The following C11orf65 variants were observed in gnomAD, a reference collection of about 807,000 sequenced individuals.
C11orf65 encodes protein MFI.
In C11orf65, 38 loss-of-function variants were observed where a neutral mutation model predicts 35.3. The ratio of observed to expected loss-of-function variants is 1.08; its 90% CI spans 0.83 to 1.41. The LOEUF (loss-of-function observed/expected upper bound fraction) is 1.41, where lower values mean the gene tolerates loss of function less well. Ranked by LOEUF, C11orf65 falls within the 40% of genes most tolerant of loss-of-function variation. The pLI is 0.00. For synonymous variants in C11orf65, 105 were observed against 114.4 expected, an observed-to-expected ratio of 0.92 and a Z score of 0.53; for missense variants, 370 against 367.1, an observed-to-expected ratio of 1.01 and a Z score of -0.06.
At position 108,383,034 on chromosome 11, in the gene C11orf65, G is replaced by C. The variant is rs751190112; in HGVS notation, c.929C>G (p.Thr310Ser). The C allele has an allele frequency of 2.5e-6, 4 of 1,610,886 alleles. No homozygotes were observed. The highest frequency in any genetic ancestry group is 1.7e-4 in the Middle Eastern group (1 of 6,048). ...AAATAAAGTACTTTATAGTCCATAA[G>C]TAGAATCAGGCGTTAATCTAGTTAC... Reference protein sequence around the residue: ...PNVTRLTPDSTYGL With the variant: ...PNVTRLTPDSSYGL The change falls in exon 9 of 9, where the codon ACT becomes AGT. Residue 310 changes from threonine (T) to serine (S), a missense_variant. Coordinates refer to ENST00000393084, the MANE Select transcript of C11orf65 (RefSeq NM_152587.5).
chr11:108,368,730 C>G (rs1222514012), intron 2 of C11orf65: 1 of 214,204 alleles, frequency 4.7e-6, no homozygotes, highest in Non-Finnish European at 9.4e-6. Context: ...GAGATAATAG[C>G]TTTCCCACCC....
chr11:108,410,086 T>C, intron 3 of C11orf65, among the ~76,000 whole-genome samples: 1 of 152,190 alleles, frequency 6.6e-6, no homozygotes, highest in East Asian at 1.9e-4. Flanking sequence ...AACCCTGCCA[T>C]AAGCCAAGGA....
At chr11:108,377,134 GC>G (rs2091750938) in intron 2 of C11orf65, among the ~76,000 whole-genome samples, 1 of 151,162 alleles carries the variant, frequency 6.6e-6, no homozygotes, top group Non-Finnish European at 1.5e-5. Flanking sequence ...ATTTTATGAG[GC>G]CAGCATCATC....
exon 7 of C11orf65, chr11:108,308,783 C>G: frequency 1.9e-6 from 1 of 517,038 alleles, no homozygotes; most frequent in South Asian, 2.5e-5. Context: ...TAGTCTTAAA[C>G]CATTCTTCTT....
At chr11:108,448,823 A>G (rs2093305312) in intron 2 of C11orf65, among the ~76,000 whole-genome samples, 4 of 152,322 alleles carry the variant, frequency 2.6e-5, no homozygotes, top group Admixed American at 1.3e-4. Context: ...GTATTCAATT[A>G]GGAAAAGAGG....
chr11:108,411,004 C>T (rs771005617), intron 3 of C11orf65, among the ~76,000 whole-genome samples: 6 of 152,090 alleles, frequency 3.9e-5, no homozygotes, highest in Non-Finnish European at 7.4e-5. Flanking sequence ...CCACCATGCC[C>T]GGCCCCCTTC....
upstream of C11orf65, among the ~76,000 whole-genome samples, chr11:108,469,574 T>C (rs2093564449): frequency 6.6e-6 from 1 of 151,866 alleles, no homozygotes; most frequent in Admixed American, 6.6e-5. Context: ...TTTAATGTAG[T>C]GCTTATCTGA....
At chr11:108,381,832 G>T (rs1177275558), downstream of C11orf65, among the ~76,000 whole-genome samples, 1 of 152,126 alleles carries the variant, frequency 6.6e-6, no homozygotes, top group African/African-American at 2.4e-5. Context: ...CTCTCCATAA[G>T]TATAGGCTGG....
chr11:108,359,321 ACT>A (rs1194257965), intron 2 of C11orf65, among the ~76,000 whole-genome samples: 1 of 151,964 alleles, frequency 6.6e-6, no homozygotes, highest in Non-Finnish European at 1.5e-5. Context: ...CTACAAAGAG[ACT>A]TAGAATCCCA....
chr11:108,444,360 C>A (rs187636399), intron 2 of C11orf65, among the ~76,000 whole-genome samples: 1 of 152,016 alleles, frequency 6.6e-6, no homozygotes, highest in South Asian at 2.1e-4. Flanking sequence ...CAGGACCAGA[C>A]GGATTCACAG....
chr11:108,445,988 G>C (rs1414473581), intron 2 of C11orf65, among the ~76,000 whole-genome samples: 1 of 152,214 alleles, frequency 6.6e-6, no homozygotes, highest in Non-Finnish European at 1.5e-5. Flanking sequence ...AGAAGCCTCA[G>C]GAGCCGACGC....
chr11:108,361,414 C>T (rs1437541410), intron 2 of C11orf65, among the ~76,000 whole-genome samples: 11 of 151,744 alleles, frequency 7.2e-5, no homozygotes, highest in Admixed American at 3.9e-4. Flanking sequence ...ATCAAGCTAC[C>T]AATGACTTTC....
intron 2 of C11orf65, among the ~76,000 whole-genome samples, chr11:108,339,968 C>T (rs2087328149): frequency 6.6e-6 from 1 of 152,050 alleles, no homozygotes; most frequent in Non-Finnish European, 1.5e-5. Context: ...ATTTATATAC[C>T]TACGTTGGGT....
At chr11:108,451,815 T>G (rs1465891959) in intron 2 of C11orf65, among the ~76,000 whole-genome samples, 1 of 151,972 alleles carries the variant, frequency 6.6e-6, no homozygotes, top group Non-Finnish European at 1.5e-5. Flanking sequence ...GAGATATAGA[T>G]CAATGGAACA....
chr11:108,355,064 C>CA (rs2089730753), intron 2 of C11orf65: 4 of 594,462 alleles, frequency 6.7e-6, no homozygotes, highest in Non-Finnish European at 1.2e-5. Flanking sequence ...GAAATGCCTT[C>CA]AGCCCCCTTG....
rs1060501695 is a variant in C11orf65, at chr11:108,335,098, C to G, written c.299+122G>C. 6.2e-7 allele frequency: 1 copy of G among 1,614,014 alleles called. No homozygotes were observed. The highest frequency in any genetic ancestry group is 8.5e-7 in the Non-Finnish European group (1 of 1,179,962). On this transcript the variant is annotated intron_variant, in intron 3 of 3. Transcript: ENST00000524755. The stretch of plus-strand genomic sequence containing the variant: ...AGGTTCCGATGGCAAGGAGAGGAGA[C>G]AGCTTGTTAAGGTGAGCCTTCCCTT...
intron 3 of C11orf65, among the ~76,000 whole-genome samples, chr11:108,431,214 T>A (rs948514645): frequency 6.6e-6 from 1 of 151,650 alleles, no homozygotes; most frequent in Admixed American, 6.6e-5. Context: ...TGAGGAGACA[T>A]GAAAATTCCC....
intron 6 of C11orf65, among the ~76,000 whole-genome samples, chr11:108,396,509 T>C (rs1163720580): frequency 1.3e-5 from 2 of 152,116 alleles, no homozygotes; most frequent in Non-Finnish European, 2.9e-5. Flanking sequence ...GTTCAAATAA[T>C]TTAATTCTCA....
At chr11:108,444,650 G>A (rs1441770262) in intron 2 of C11orf65, among the ~76,000 whole-genome samples, 1 of 152,146 alleles carries the variant, frequency 6.6e-6, no homozygotes. Flanking sequence ...AATAGGAACA[G>A]CTCCAGTCTA....
Sources: allele counts gnomAD v4.1 joint callset (sites outside exome capture counted in the v4.1 genomes callset), GRCh38; gene constraint gnomAD v4.1.1; transcripts MANE v1.5; gene names NCBI Gene and HGNC (gene_info 2026-07-23, HGNC 2026-07-21).